IMMP2L: variants seen among roughly 807,000 people sequenced by gnomAD.
The protein encoded by IMMP2L is mitochondrial inner membrane protease subunit 2.
A neutral mutation model predicts 19.3 loss-of-function variants in IMMP2L; 18 were observed. The observed-to-expected ratio is 0.93, with a 90% CI of 0.64 to 1.38. The LOEUF (loss-of-function observed/expected upper bound fraction) is 1.38, where lower values mean the gene tolerates loss of function less well. Ranked by LOEUF, IMMP2L falls within the 40% of genes most tolerant of loss-of-function variation. The pLI, the probability that IMMP2L is intolerant of heterozygous loss-of-function variation, is 0.00. For synonymous variants in IMMP2L, 76 were observed against 73.0 expected (o/e 1.04, Z -0.21); for missense variants, 233 against 218.2 (o/e 1.07, Z -0.43).
intron 5 of IMMP2L, among the ~76,000 whole-genome samples, chr7:110,716,280 T>C (rs900216745): frequency 6.6e-6 from 1 of 151,976 alleles, no homozygotes; most frequent in African/African-American, 2.4e-5. Context: ...TTAAGTGGGG[T>C]GCATAAACTG....
chr7:111,501,701 G>C (rs1463333367), intron 2 of IMMP2L, among the ~76,000 whole-genome samples: 1 of 152,080 alleles, frequency 6.6e-6, no homozygotes, highest in Non-Finnish European at 1.5e-5. Flanking sequence ...TTTCAACCCA[G>C]AATTTCATAT....
At chr7:110,901,268 A>G (rs1289240276) in intron 4 of IMMP2L, among the ~76,000 whole-genome samples, 3 of 152,056 alleles carry the variant, frequency 2.0e-5, no homozygotes, top group African/African-American at 7.2e-5. Flanking sequence ...CCTGATTCCT[A>G]AAACTGTGCC....
Position 110,803,805 on chromosome 7 carries a change from TG to T in IMMP2L, c.408+82787del, listed in dbSNP as rs577369263. Among the ~76,000 whole-genome samples the T allele has an allele frequency of 1.1e-3, 166 of 152,166 alleles. 2 individuals carry two copies. The highest frequency in any genetic ancestry group is 3.9e-3 in the African/African-American group (160 of 41,542). Reference sequence around the variant, plus strand: ...AGAGTTACCAGTAGTTTTCAAAGTATGGTCCTGGAACCATCAGTATCTCAAC... The same window carrying T: ...AGAGTTACCAGTAGTTTTCAAAGTATGTCCTGGAACCATCAGTATCTCAAC... On this transcript the variant is annotated intron_variant, in intron 5 of 5. Coordinates refer to ENST00000405709, the MANE Select transcript of IMMP2L (RefSeq NM_032549.4). This position sits in a 1 kb window ranked among gnomAD's most constrained non-coding sequence, Gnocchi z 4.2.
chr7:110,942,168 T>G (rs1485097176), intron 4 of IMMP2L, among the ~76,000 whole-genome samples: 1 of 151,988 alleles, frequency 6.6e-6, no homozygotes, highest in East Asian at 1.9e-4. Context: ...TAATTACATT[T>G]CATTCAAGAG....
intron 3 of IMMP2L, among the ~76,000 whole-genome samples, chr7:111,043,136 T>C (rs1444219940): frequency 6.6e-6 from 1 of 152,192 alleles, no homozygotes; most frequent in East Asian, 1.9e-4. Flanking sequence ...TAGCTGCTAA[T>C]GGCCCAACCT....
intron 3 of IMMP2L, among the ~76,000 whole-genome samples, chr7:111,142,995 C>CT (rs1263422525): frequency 2.6e-5 from 4 of 152,088 alleles, no homozygotes; most frequent in African/African-American, 7.2e-5. Context: ...TATATATTTA[C>CT]TTTTACTCAG....
intron 5 of IMMP2L, among the ~76,000 whole-genome samples, chr7:110,762,808 A>C (rs946077697): frequency 2.0e-5 from 3 of 152,130 alleles, no homozygotes; most frequent in Non-Finnish European, 4.4e-5. Flanking sequence ...CCAAAAACCG[A>C]AAGCAAAAAA....
At chr7:111,478,561 T>TTGTC (rs1841916399) in intron 3 of IMMP2L, among the ~76,000 whole-genome samples, 1 of 109,504 alleles carries the variant, frequency 9.1e-6, no homozygotes, top group South Asian at 2.2e-4. Flanking sequence ...TGCCCAGCTT[T>TTGTC]TGTTTGTTTG....
intron 3 of IMMP2L, among the ~76,000 whole-genome samples, chr7:111,485,885 G>GA (rs113659389): frequency 7.4e-5 from 11 of 148,804 alleles, no homozygotes; most frequent in South Asian, 2.1e-4. Context: ...TTTCTCACGG[G>GA]AAAAAAAAAA....
chr7:110,783,950 A>G (rs2131098850), intron 5 of IMMP2L, among the ~76,000 whole-genome samples: 1 of 151,974 alleles, frequency 6.6e-6, no homozygotes, highest in East Asian at 1.9e-4. Flanking sequence ...CCTATCATTA[A>G]GTTCATTATA....
At chr7:110,683,436 C>T (rs555043769) in intron 5 of IMMP2L, among the ~76,000 whole-genome samples, 3 of 152,174 alleles carry the variant, frequency 2.0e-5, no homozygotes, top group South Asian at 2.1e-4. Flanking sequence ...AACAAAGATG[C>T]TACCAAAAGT....
chr7:111,352,726 T>C (rs1828300808), intron 3 of IMMP2L, among the ~76,000 whole-genome samples: 1 of 152,132 alleles, frequency 6.6e-6, no homozygotes. Flanking sequence ...AGCAGCCGCA[T>C]GGTATCGGTG....
At chr7:110,991,822 C>A (rs1241673716) in intron 3 of IMMP2L, among the ~76,000 whole-genome samples, 1 of 152,118 alleles carries the variant, frequency 6.6e-6, no homozygotes, top group East Asian at 1.9e-4. Context: ...TAACCGTCCA[C>A]CCCTGACAAT....
At chr7:111,289,180 A>C (rs1488941460) in intron 3 of IMMP2L, among the ~76,000 whole-genome samples, 2 of 151,712 alleles carry the variant, frequency 1.3e-5, no homozygotes, top group Non-Finnish European at 2.9e-5. Flanking sequence ...AGAAAACCAA[A>C]CACCACATGT....
intron 3 of IMMP2L, among the ~76,000 whole-genome samples, chr7:111,445,242 C>T (rs1328004321): frequency 2.6e-5 from 4 of 151,892 alleles, no homozygotes; most frequent in Admixed American, 2.6e-4. Flanking sequence ...TTTGGGCAGA[C>T]AAACTGTGGG....
At chr7:111,375,530 G>A (rs1228739897) in intron 3 of IMMP2L, among the ~76,000 whole-genome samples, 5 of 151,780 alleles carry the variant, frequency 3.3e-5, no homozygotes, top group African/African-American at 4.8e-5. Flanking sequence ...TGGTAAAAGC[G>A]ACTTTTTTTT....
intron 3 of IMMP2L, among the ~76,000 whole-genome samples, chr7:111,005,318 T>TTTTTGGTTTG (rs1445385130): frequency 1.3e-5 from 2 of 152,178 alleles, no homozygotes; most frequent in Non-Finnish European, 2.9e-5. Flanking sequence ...AAGAAAACCA[T>TTTTTGGTTTG]ATACAGTGTT....
At chr7:110,920,089 A>C (rs1814094033) in intron 4 of IMMP2L, among the ~76,000 whole-genome samples, 1 of 152,244 alleles carries the variant, frequency 6.6e-6, no homozygotes, top group African/African-American at 2.4e-5. Flanking sequence ...CTTTGGCTAT[A>C]GACTGAAGGC....
chr7:111,313,820 A>G (rs968416544), intron 3 of IMMP2L, among the ~76,000 whole-genome samples: 1 of 152,120 alleles, frequency 6.6e-6, no homozygotes, highest in East Asian at 1.9e-4. Flanking sequence ...TATTTGTCCA[A>G]TCCAAATTTC....
Sources: gnomAD v4.1 joint callset for allele counts (sites outside exome capture counted in the v4.1 genomes callset) on GRCh38, gnomAD v4.1.1 for gene constraint, Gnocchi (gnomAD v3.1) non-coding constraint, MANE v1.5 for transcripts, NCBI Gene and HGNC (gene_info 2026-07-23, HGNC 2026-07-21) for gene names.